STXBP5: variants seen among roughly 807,000 people sequenced by gnomAD.
The protein encoded by STXBP5 is syntaxin-binding protein 5.
STXBP5 carries 50 observed loss-of-function variants against 152.4 expected under a neutral mutation model. The observed-to-expected ratio is 0.33, with a 90% CI of 0.26 to 0.42. The LOEUF (loss-of-function observed/expected upper bound fraction) is 0.42. Ranked by LOEUF, STXBP5 falls within the 10% of genes least tolerant of loss-of-function variation. STXBP5 has a pLI of 1.00. For missense variants in STXBP5, 1,167 were observed against 1,388.6 expected, an observed-to-expected ratio of 0.84 and a Z score of 2.54; for synonymous variants, 492 against 494.7, an observed-to-expected ratio of 0.99 and a Z score of 0.07.
chr6:147,365,029 G>T (rs1785232191), intron 25 of STXBP5, among the ~76,000 whole-genome samples: 3 of 152,118 alleles, frequency 2.0e-5, no homozygotes, highest in Admixed American at 2.0e-4. Flanking sequence ...CATAGAAGTG[G>T]TATCTCAGAG....
chr6:147,222,103 T>G (rs1439992764), intron 2 of STXBP5, among the ~76,000 whole-genome samples: 1 of 152,180 alleles, frequency 6.6e-6, no homozygotes, highest in Non-Finnish European at 1.5e-5. Context: ...AGCATTTCTT[T>G]TTGACTGGTT....
At chr6:147,257,215 A>G (rs1779414354) in intron 4 of STXBP5, among the ~76,000 whole-genome samples, 1 of 150,824 alleles carries the variant, frequency 6.6e-6, no homozygotes. Context: ...TACAACTTGT[A>G]TTTAGTGGCA....
intron 16 of STXBP5, among the ~76,000 whole-genome samples, chr6:147,317,670 G>T (rs1043506768): frequency 2.0e-4 from 30 of 152,232 alleles, no homozygotes; most frequent in African/African-American, 7.0e-4. Flanking sequence ...TCTCAGAAAG[G>T]TATCAAGTTT....
At position 147,220,263 on chromosome 6, in the gene STXBP5, A is replaced by G. The variant is rs570983188; in HGVS notation, c.248+14195A>G. On this transcript the variant is annotated intron_variant, in intron 2 of 27. Transcript: ENST00000321680. ...ACATTGTATAGTTTCTATTCTTTCA[A>G]ATTTTTTGAGGTATATTTTATGGCC... is the stretch of plus-strand genomic sequence containing the variant. Among the ~76,000 whole-genome samples, 6 of 151,942 alleles carry G rather than the reference A, an allele frequency of 3.9e-5. 1 individual carries two copies. The highest frequency in any genetic ancestry group is 2.0e-4 in the Admixed American group (3 of 15,252).
At chr6:147,264,917 C>T (rs1562448574) in intron 6 of STXBP5, among the ~76,000 whole-genome samples, 1 of 152,006 alleles carries the variant, frequency 6.6e-6, no homozygotes, top group Non-Finnish European at 1.5e-5. Context: ...AAGTTTAACC[C>T]TCTTAAGTTA....
intron 2 of STXBP5, among the ~76,000 whole-genome samples, chr6:147,232,471 T>C (rs1487150957): frequency 1.3e-5 from 2 of 151,846 alleles, no homozygotes; most frequent in Admixed American, 6.6e-5. Flanking sequence ...TTTTTTGTTA[T>C]GGAGTAATAA....
intron 25 of STXBP5, among the ~76,000 whole-genome samples, chr6:147,371,918 T>G (rs1015644856): frequency 3.9e-5 from 6 of 152,168 alleles, no homozygotes; most frequent in African/African-American, 1.4e-4. Flanking sequence ...GTTGTAACAA[T>G]TTAATACATA....
intron 26 of STXBP5, among the ~76,000 whole-genome samples, chr6:147,378,923 C>G (rs764655998): frequency 3.9e-5 from 6 of 152,168 alleles, no homozygotes; most frequent in Non-Finnish European, 7.4e-5. Context: ...CAACACAGGT[C>G]TTATGGGTGT....
intron 9 of STXBP5, chr6:147,293,366 A>G (rs1371241642): frequency 2.0e-5 from 3 of 152,158 alleles, no homozygotes; most frequent in African/African-American, 7.2e-5. Flanking sequence ...AGTAAATTCA[A>G]CATATTCTTC....
rs942233781 is a variant in STXBP5 at position 147,388,378 on chromosome 6, A to C, written c.*3623A>C. On this transcript the variant is annotated 3_prime_UTR_variant, in exon 28 of 28. Coordinates refer to ENST00000321680, the MANE Select transcript of STXBP5 (RefSeq NM_001127715.4). Reference sequence around the variant, plus strand: ...GGTCTTAAATTATTGCAACACTTTCAGATTTGTTTTAAGATCATACAGTAA... The same window carrying C: ...GGTCTTAAATTATTGCAACACTTTCCGATTTGTTTTAAGATCATACAGTAA... 3 of 151,664 alleles carry C rather than the reference A, an allele frequency of 2.0e-5. No homozygotes were observed. 9.4% of individuals were successfully genotyped at this position (151,664 alleles called of 1,614,324 possible).
At chr6:147,316,740 G>A (rs1273865576) in intron 16 of STXBP5, among the ~76,000 whole-genome samples, 14 of 148,428 alleles carry the variant, frequency 9.4e-5, no homozygotes, top group South Asian at 2.2e-4. Flanking sequence ...TTTATGTTCC[G>A]ACTGCTTTCT....
In STXBP5 at chr6:147,384,851, G is replaced by A. The variant is rs568132881; in HGVS notation, c.*96G>A. On this transcript the variant is annotated 3_prime_UTR_variant, in exon 28 of 28. Coordinates refer to ENST00000321680, the MANE Select transcript of STXBP5 (RefSeq NM_001127715.4). Reference sequence around the variant, plus strand: ...GAAAGTTAACGTTAAAGGGATGTTCGTCACTGAATACTGTTCTTTCCTAGC... The same window carrying A: ...GAAAGTTAACGTTAAAGGGATGTTCATCACTGAATACTGTTCTTTCCTAGC... The A allele has an allele frequency of 1.3e-5, 16 of 1,220,568 alleles. No individual in the cohort carries two copies. The highest frequency in any genetic ancestry group is 5.1e-5 in the South Asian group (4 of 77,910). 75.6% of individuals were successfully genotyped at this position (1,220,568 alleles called of 1,614,324 possible).
At chr6:147,298,060 T>C (rs1330455772) in intron 9 of STXBP5, among the ~76,000 whole-genome samples, 4 of 151,996 alleles carry the variant, frequency 2.6e-5, no homozygotes, top group Non-Finnish European at 5.9e-5. Flanking sequence ...ATAAGAGATA[T>C]AGCATGAATG....
chr6:147,332,602 C>G (rs1246186199), intron 18 of STXBP5, among the ~76,000 whole-genome samples: 1 of 152,046 alleles, frequency 6.6e-6, no homozygotes, highest in Non-Finnish European at 1.5e-5. Flanking sequence ...AGAGAGAGTA[C>G]CAGTGGTGGG....
At chr6:147,262,390 C>T (rs1416173953) in intron 6 of STXBP5, 37 bp downstream of exon 6, 5 of 1,249,230 alleles carry the variant, frequency 4.0e-6, no homozygotes, top group Non-Finnish European at 5.5e-6. Flanking sequence ...ATTAAATGCA[C>T]AAATTTTAGT....
chr6:147,321,888 A>C (rs1351564166), intron 16 of STXBP5, among the ~76,000 whole-genome samples: 2 of 152,160 alleles, frequency 1.3e-5, no homozygotes, highest in Non-Finnish European at 2.9e-5. Context: ...AATGTAACTT[A>C]CCTGCTTTCA....
intron 25 of STXBP5, among the ~76,000 whole-genome samples, chr6:147,365,959 C>T (rs557143872): frequency 1.3e-5 from 2 of 152,272 alleles, no homozygotes; most frequent in East Asian, 3.9e-4. Flanking sequence ...CAATGGTTTT[C>T]AAATTACTGG....
intron 19 of STXBP5, among the ~76,000 whole-genome samples, chr6:147,335,175 A>G (rs1339416063): frequency 1.3e-5 from 2 of 152,198 alleles, no homozygotes; most frequent in Non-Finnish European, 1.5e-5. Flanking sequence ...TATTCATTAA[A>G]CTAATAAAAC....
In STXBP5 at chr6:147,359,120, C is replaced by G; in HGVS notation, c.2342C>G (p.Ser781Ter). The G allele has an allele frequency of 6.2e-7, 1 of 1,613,952 alleles. No homozygotes were observed. The highest frequency in any genetic ancestry group is 8.5e-7 in the Non-Finnish European group (1 of 1,179,902). ...AACTCCTTTAGCCGATCACGGAGTT[C>G]AAGTGTAACAAGCATTGACAAAGAA... ...KDNSFSRSRS[S>*]SVTSIDKESR... The change falls in exon 23 of 28, where the codon TCA becomes TGA. Residue 781 changes from serine (S) to a stop codon, truncating the protein, a stop_gained. Coordinates refer to ENST00000321680, the MANE Select transcript of STXBP5 (RefSeq NM_001127715.4). LOFTEE classifies it high-confidence loss of function.
Sources: gnomAD v4.1 joint callset for allele counts (sites outside exome capture counted in the v4.1 genomes callset) on GRCh38, gnomAD v4.1.1 for gene constraint, MANE v1.5 for transcripts, NCBI Gene and HGNC (gene_info 2026-07-23, HGNC 2026-07-21) for gene names.